Variants in DGKD observed in about 807,000 individuals in gnomAD.
The protein encoded by DGKD is DAG kinase delta.
DGKD carries 68 observed loss-of-function variants against 154.4 expected under a neutral mutation model. The ratio of observed to expected loss-of-function variants is 0.44; its 90% CI spans 0.36 to 0.54. DGKD has a LOEUF of 0.54. DGKD is among the 20% of genes least tolerant of loss of function. The probability of loss-of-function intolerance (pLI) is 0.00; values close to 1 mark genes in which losing one functional copy is unlikely to be tolerated. For synonymous variants in DGKD, 693 were observed against 638.0 expected (o/e 1.09, Z -1.30); for missense variants, 1,343 against 1,593.6 (o/e 0.84, Z 2.68).
chr2:233,393,045 CTTGCTCTGT>C (rs1306727186), intron 3 of DGKD, among the ~76,000 whole-genome samples: 1 of 152,130 alleles, frequency 6.6e-6, no homozygotes, highest in African/African-American at 2.4e-5. Flanking sequence ...GAGACGGAAT[CTTGCTCTGT>C]TGCCCAGGCT....
chr2:233,386,776 G>T (rs1235112732), intron 1 of DGKD, among the ~76,000 whole-genome samples: 1 of 152,238 alleles, frequency 6.6e-6, no homozygotes, highest in Non-Finnish European at 1.5e-5. Flanking sequence ...GTTGGAAAGG[G>T]CTGCTGTTGT....
chr2:233,461,763 C>T (rs772152715), intron 24 of DGKD, among the ~76,000 whole-genome samples: 14 of 152,340 alleles, frequency 9.2e-5, no homozygotes, highest in Non-Finnish European at 1.5e-4. Context: ...AGGCTGGCCC[C>T]GCTGCCTTTG....
chr2:233,446,844 A>G, intron 12 of DGKD, 48 bp downstream of exon 12: 1 of 1,602,582 alleles, frequency 6.2e-7, no homozygotes, highest in Non-Finnish European at 8.5e-7. Context: ...TGATGTGATC[A>G]GAACTGTCCT....
intron 24 of DGKD, among the ~76,000 whole-genome samples, chr2:233,460,914 A>G (rs1329563916): frequency 1.3e-5 from 2 of 151,702 alleles, no homozygotes; most frequent in African/African-American, 4.8e-5. Context: ...AACAAAACAA[A>G]AAAACCCTGC....
intron 1 of DGKD, among the ~76,000 whole-genome samples, chr2:233,364,310 T>C (rs1006702614): frequency 6.6e-6 from 1 of 152,132 alleles, no homozygotes; most frequent in African/African-American, 2.4e-5. Context: ...AAAGGAAACA[T>C]TAAGTGTTTT....
rs890395078 is a variant in DGKD at position 233,426,052 on chromosome 2, G to C, written c.349-8328G>C. 9.2e-5 allele frequency among the ~76,000 whole-genome samples: 14 copies of C among 152,316 alleles called. No homozygotes were observed. In the East Asian group the frequency reaches 2.1e-3, roughly 23 times the overall value. On this transcript the variant is annotated intron_variant, in intron 3 of 29. Coordinates refer to ENST00000264057, the MANE Select transcript of DGKD (RefSeq NM_152879.3). ...ATATTATAAAACATTTGATCTCTGT[G>C]AATCTGGTAGGTTAAAAAATGGGAT...
At chr2:233,431,938 C>G (rs560586340) in intron 3 of DGKD, among the ~76,000 whole-genome samples, 20 of 152,138 alleles carry the variant, frequency 1.3e-4, no homozygotes, top group Admixed American at 1.3e-3. Context: ...CAAGCACAGG[C>G]AACCAAAGCA....
chr2:233,455,934 G>A (rs1398207543), intron 19 of DGKD, among the ~76,000 whole-genome samples: 1 of 152,222 alleles, frequency 6.6e-6, no homozygotes, highest in Admixed American at 6.5e-5. Flanking sequence ...GCACAGGATG[G>A]TAACGTCAGA....
At chr2:233,366,093 G>A (rs1031557392) in intron 1 of DGKD, among the ~76,000 whole-genome samples, 1 of 152,198 alleles carries the variant, frequency 6.6e-6, no homozygotes. Flanking sequence ...GCTGAAAGAA[G>A]GCTGTGGTGG....
At chr2:233,435,779 A>G (rs551099802) in intron 5 of DGKD, 39 bp from the exon 6 acceptor site, 2 of 1,580,096 alleles carry the variant, frequency 1.3e-6, no homozygotes, top group Admixed American at 1.9e-5. Context: ...CTCTTGGCAC[A>G]GACACAGCTT....
At chr2:233,409,506 G>A (rs771434431) in intron 3 of DGKD, among the ~76,000 whole-genome samples, 5 of 150,690 alleles carry the variant, frequency 3.3e-5, no homozygotes, top group Non-Finnish European at 7.4e-5. Context: ...CCGTCTGTCT[G>A]GTTTTTTTTT....
chr2:233,354,782 C>A lies in DGKD; in HGVS notation c.156+108C>A. 1 of 603,470 alleles carries A rather than the reference C, an allele frequency of 1.7e-6. No individual in the cohort carries two copies. The highest frequency in any genetic ancestry group is 2.1e-6 in the Non-Finnish European group (1 of 484,072). 37.4% of individuals were successfully genotyped at this position (603,470 alleles called of 1,614,324 possible). ...GCCGCCCAGGCCCGGCTCGGCCCGG[C>A]CCGGGGTCCCGCGGGCGTCACCGCC... On this transcript the variant is annotated intron_variant, in intron 1 of 29. Transcript: ENST00000264057. The surrounding 1 kb of genome is among the most constrained non-coding windows in gnomAD (Gnocchi z 4.8).
chr2:233,412,797 G>A (rs1298737404), intron 3 of DGKD, among the ~76,000 whole-genome samples: 1 of 152,086 alleles, frequency 6.6e-6, no homozygotes. Context: ...AATTATTAAT[G>A]GGTGTTGAAT....
intron 1 of DGKD, among the ~76,000 whole-genome samples, chr2:233,359,430 A>G (rs1441983737): frequency 2.6e-5 from 4 of 152,128 alleles, no homozygotes; most frequent in East Asian, 1.9e-4. Context: ...AACACCTAAC[A>G]TAGTGGCTGA....
At chr2:233,376,335 A>C (rs1428887804) in intron 1 of DGKD, among the ~76,000 whole-genome samples, 1 of 152,338 alleles carries the variant, frequency 6.6e-6, no homozygotes, top group African/African-American at 2.4e-5. Context: ...TTGAAATCAG[A>C]CAGATCTGGG....
rs1038566308 is a variant in DGKD at position 233,471,217 on chromosome 2, T to A, written c.*1757T>A. The A allele has an allele frequency of 6.6e-6, 1 of 152,366 alleles. No homozygotes were observed. The highest frequency in any genetic ancestry group is 2.4e-5 in the African/African-American group (1 of 41,460). 9.4% of individuals were successfully genotyped at this position (152,366 alleles called of 1,614,324 possible). A position where few individuals can be genotyped will look rare whatever the true frequency, so the allele number is the denominator to read the frequency against. Reference sequence around the variant, plus strand: ...TGTCGCTGCATGCGACGTGTTGGGATTTTTGGATGAAAGACTCTCCCACGC... The same window carrying A: ...TGTCGCTGCATGCGACGTGTTGGGAATTTTGGATGAAAGACTCTCCCACGC... On this transcript the variant is annotated 3_prime_UTR_variant, in exon 30 of 30. Coordinates refer to ENST00000264057, the MANE Select transcript of DGKD (RefSeq NM_152879.3).
chr2:233,409,990 T>G lies in DGKD; in HGVS notation c.348+19507T>G, dbSNP rs538459171. Among the ~76,000 whole-genome samples, 7 of 152,142 alleles carry G rather than the reference T, an allele frequency of 4.6e-5. 1 individual carries two copies. Among genetic ancestry groups the G allele is most frequent in the African/African-American group, 1.7e-4 (7 of 41,484 alleles). On this transcript the variant is annotated intron_variant, in intron 3 of 29. Coordinates refer to ENST00000264057, the MANE Select transcript of DGKD (RefSeq NM_152879.3). ...GAAAAGTCGATGCTGTTTTCTTTTC[T>G]TTTTCTTTTTTTTAAATTTGGTAGA...
At chr2:233,390,894 T>C (rs1470747176) in intron 3 of DGKD, among the ~76,000 whole-genome samples, 1 of 152,076 alleles carries the variant, frequency 6.6e-6, no homozygotes, top group Non-Finnish European at 1.5e-5. Context: ...CCACCACACC[T>C]GGCTAATTTT....
chr2:233,450,396 T>G (rs2063236802), intron 16 of DGKD, among the ~76,000 whole-genome samples: 2 of 152,108 alleles, frequency 1.3e-5, no homozygotes, highest in South Asian at 4.2e-4. Context: ...TGAGGAGCAC[T>G]TGCGTCCTGC....
Sources: gnomAD v4.1 joint callset for allele counts (sites outside exome capture counted in the v4.1 genomes callset) on GRCh38, gnomAD v4.1.1 for gene constraint, Gnocchi (gnomAD v3.1) non-coding constraint, MANE v1.5 for transcripts, NCBI Gene and HGNC (gene_info 2026-07-23, HGNC 2026-07-21) for gene names.